The following SEPTIN10 variants were observed in gnomAD, a reference collection of about 807,000 sequenced individuals.
SEPTIN10 encodes the protein septin-10.
SEPTIN10 carries 66 observed loss-of-function variants against 54.8 expected under a neutral mutation model. The ratio of observed to expected loss-of-function variants is 1.21; its 90% CI spans 0.99 to 1.48. The LOEUF (loss-of-function observed/expected upper bound fraction) is 1.48. Ranked by LOEUF, SEPTIN10 falls within the 40% of genes most tolerant of loss-of-function variation. The pLI is 0.00. For synonymous variants in SEPTIN10, 161 were observed against 181.0 expected (o/e 0.89, Z 0.89); for missense variants, 620 against 545.6 (o/e 1.14, Z -1.36).
intron 7 of SEPTIN10, 36 bp from the exon 8 acceptor site, chr2:109,564,570 A>G (rs780947896): frequency 7.6e-6 from 11 of 1,449,828 alleles, no homozygotes; most frequent in African/African-American, 5.7e-5. Flanking sequence ...ACAACACTGG[A>G]TTTTAATTCC....
rs1005000310 is a variant in SEPTIN10 at position 109,613,404 on chromosome 2, G to A, written c.30+394C>T. On this transcript the variant is annotated intron_variant, in intron 1 of 10. Coordinates refer to ENST00000397712, the MANE Select transcript of SEPTIN10 (RefSeq NM_144710.5). ...CCGGGCTTTCTCCCGGCGGCAGGGA[G>A]GCTCGGAAGTGCTCACGGCTGCAAA... is the stretch of plus-strand genomic sequence containing the variant. The A allele has an allele frequency of 3.4e-4, 111 of 324,384 alleles. 4 individuals are homozygous for A. The highest frequency in any genetic ancestry group is 2.7e-3 in the South Asian group (107 of 38,968). 20.1% of individuals were successfully genotyped at this position (324,384 alleles called of 1,614,324 possible). A position where few individuals can be genotyped will look rare whatever the true frequency, so the allele number is the denominator to read the frequency against.
chr2:109,568,093 G>GA (rs1250908092), intron 5 of SEPTIN10, 117 bp from the exon 6 acceptor site: 9 of 757,840 alleles, frequency 1.2e-5, no homozygotes, highest in Non-Finnish European at 1.7e-5. Flanking sequence ...CCTAGATCGG[G>GA]GGGCTGGCAA....
chr2:109,610,257 T>A (rs572983452), intron 1 of SEPTIN10, among the ~76,000 whole-genome samples: 8 of 152,204 alleles, frequency 5.3e-5, no homozygotes, highest in African/African-American at 1.7e-4. Context: ...CCCAGCTAAT[T>A]TCCTGTATTT....
chr2:109,551,497 A>G (rs1406526184), intron 9 of SEPTIN10, among the ~76,000 whole-genome samples: 3 of 152,210 alleles, frequency 2.0e-5, no homozygotes, highest in Non-Finnish European at 2.9e-5. Flanking sequence ...ATCACCAAAT[A>G]AAAAGGAACG....
At chr2:109,592,219 C>G (rs1260441505) in intron 2 of SEPTIN10, among the ~76,000 whole-genome samples, 1 of 151,808 alleles carries the variant, frequency 6.6e-6, no homozygotes, top group African/African-American at 2.4e-5. Context: ...AATCCTAGCA[C>G]TTTGGGAGGC....
intron 2 of SEPTIN10, among the ~76,000 whole-genome samples, chr2:109,592,128 C>T (rs749421033): frequency 9.3e-4 from 142 of 152,182 alleles, no homozygotes; most frequent in South Asian, 1.7e-3. Flanking sequence ...CTCTGCCATT[C>T]ACAGGAGTTC....
chr2:109,591,024 A>G (rs1693940123), intron 2 of SEPTIN10, among the ~76,000 whole-genome samples: 1 of 152,252 alleles, frequency 6.6e-6, no homozygotes, highest in Admixed American at 6.5e-5. Flanking sequence ...TAACAAACAG[A>G]TGCCGTTTTA....
At chr2:109,577,767 G>A (rs898358053) in intron 4 of SEPTIN10, among the ~76,000 whole-genome samples, 3 of 151,484 alleles carry the variant, frequency 2.0e-5, no homozygotes. Flanking sequence ...ACAAAAATTA[G>A]CCAGGTGGGG....
At chr2:109,546,716 T>C (rs1355762488) in intron 9 of SEPTIN10, among the ~76,000 whole-genome samples, 2 of 152,194 alleles carry the variant, frequency 1.3e-5, no homozygotes, top group African/African-American at 2.4e-5. Flanking sequence ...AATTGTCAAC[T>C]ATGTCAAGAA....
intron 2 of SEPTIN10, among the ~76,000 whole-genome samples, chr2:109,592,556 G>A (rs993256425): frequency 6.6e-6 from 1 of 151,934 alleles, no homozygotes; most frequent in Non-Finnish European, 1.5e-5. Flanking sequence ...GAGGTGGGCA[G>A]ATCACTTGAG....
intron 4 of SEPTIN10, among the ~76,000 whole-genome samples, chr2:109,577,584 TCCA>T (rs1689981661): frequency 7.0e-6 from 1 of 143,580 alleles, no homozygotes; most frequent in African/African-American, 2.6e-5. Context: ...AGAGTGAGAC[TCCA>T]CCTCAAAATT....
chr2:109,613,434 G>T (rs1157365422), intron 1 of SEPTIN10: 2 of 309,824 alleles, frequency 6.5e-6, no homozygotes, highest in African/African-American at 2.1e-5. Context: ...TGCAAAAGAT[G>T]ACCGCTATTC....
In SEPTIN10 at chr2:109,546,192, T is replaced by C; in HGVS notation, c.1207A>G (p.Arg403Gly). 1 of 1,605,206 alleles carries C rather than the reference T, an allele frequency of 6.2e-7. No individual in the cohort carries two copies. The highest frequency in any genetic ancestry group is 8.5e-7 in the Non-Finnish European group (1 of 1,176,660). ...EHLKRLHQEE[R>G]MKLEEKRRLL... is the part of the protein sequence containing the mutation. ...CTTCTCTTTTCTTCAAGCTTCATTC[T>C]CTCTTCTTGGTGAAGTCTCTTAAGG... is the stretch of plus-strand genomic sequence containing the variant. The change falls in exon 10 of 11, where the codon AGA becomes GGA. Residue 403 changes from arginine to glycine, a missense_variant. Transcript: ENST00000397712.
chr2:109,545,035 G>A (rs561468893), intron 10 of SEPTIN10: 3 of 985,250 alleles, frequency 3.0e-6, no homozygotes, highest in Non-Finnish European at 3.6e-6. Flanking sequence ...AGCCACCAAT[G>A]GGCCAAGGTT....
rs1359418120 is a variant in SEPTIN10, at chr2:109,567,893, T to C, written c.684A>G (p.Glu228=). The C allele has an allele frequency of 6.2e-7, 1 of 1,613,902 alleles. No individual in the cohort carries two copies. The highest frequency in any genetic ancestry group is 8.5e-7 in the Non-Finnish European group (1 of 1,179,948). Residue 228 remains glutamate, a synonymous_variant, in exon 6 of 11, where the codon GAA becomes GAG. Transcript: ENST00000397712. The stretch of plus-strand genomic sequence containing the variant: ...ATATCTGGACGCCATTGCTGACCAA[T>C]TCACTCATGAGCTTGATCTTAAACT... ...LQKFKIKLMS[E]LVSNGVQIYQ... is the part of the protein sequence containing the mutation.
intron 1 of SEPTIN10, among the ~76,000 whole-genome samples, chr2:109,602,301 A>G (rs1482638372): frequency 6.8e-6 from 1 of 146,178 alleles, no homozygotes; most frequent in African/African-American, 2.6e-5. Context: ...GATTAAGGAC[A>G]ATAAAATTAA....
intron 9 of SEPTIN10, among the ~76,000 whole-genome samples, chr2:109,548,724 C>T (rs540533276): frequency 1.3e-4 from 17 of 129,930 alleles, no homozygotes; most frequent in African/African-American, 3.4e-4. Context: ...TGCAGTGAGC[C>T]GAGATAGCGC....
intron 8 of SEPTIN10, among the ~76,000 whole-genome samples, chr2:109,558,463 A>G (rs1573457812): frequency 6.6e-6 from 1 of 152,238 alleles, no homozygotes; most frequent in Non-Finnish European, 1.5e-5. Flanking sequence ...AAGGTGATTA[A>G]CTGTGGGAAA....
intron 1 of SEPTIN10, among the ~76,000 whole-genome samples, chr2:109,610,710 C>T (rs753557633): frequency 1.6e-4 from 24 of 151,246 alleles, no homozygotes; most frequent in Non-Finnish European, 2.5e-4. Context: ...AGCGACATTC[C>T]GTCTTCAAAA....
Sources: gnomAD v4.1 joint callset for allele counts (sites outside exome capture counted in the v4.1 genomes callset) on GRCh38, gnomAD v4.1.1 for gene constraint, MANE v1.5 for transcripts, NCBI Gene and HGNC (gene_info 2026-07-23, HGNC 2026-07-21) for gene names.